Variants in MBOAT2 observed in about 807,000 individuals in gnomAD.
The protein encoded by MBOAT2 is membrane-bound glycerophospholipid O-acyltransferase 2.
Under a neutral mutation model 63.4 loss-of-function variants are expected in MBOAT2, and 28 were observed. The ratio of observed to expected loss-of-function variants is 0.44; its 90% CI spans 0.33 to 0.61. The LOEUF is 0.61. MBOAT2 is among the 20% of genes least tolerant of loss of function. The probability of loss-of-function intolerance (pLI) is 0.03; values close to 1 mark genes in which losing one functional copy is unlikely to be tolerated. For missense variants in MBOAT2, 470 were observed against 605.8 expected (o/e 0.78, Z 2.35); for synonymous variants, 211 against 215.6 (o/e 0.98, Z 0.19).
At chr2:8,970,699 G>A (rs776702759) in intron 1 of MBOAT2, among the ~76,000 whole-genome samples, 5 of 152,156 alleles carry the variant, frequency 3.3e-5, no homozygotes, top group South Asian at 4.2e-4. Flanking sequence ...TATCACCACC[G>A]ATCCCACAGA....
intron 1 of MBOAT2, among the ~76,000 whole-genome samples, chr2:8,976,412 T>C (rs561655911): frequency 5.3e-4 from 80 of 152,224 alleles, no homozygotes; most frequent in African/African-American, 1.9e-3. Context: ...TGCTTAACTA[T>C]GAAGCCTAAG....
At chr2:8,939,416 G>A (rs1355894205) in intron 3 of MBOAT2, among the ~76,000 whole-genome samples, 2 of 152,174 alleles carry the variant, frequency 1.3e-5, no homozygotes, top group African/African-American at 2.4e-5. Context: ...CAAAGAAAAC[G>A]GCAGGACAGA....
chr2:8,912,335 G>GAA (rs1298677831), intron 3 of MBOAT2, among the ~76,000 whole-genome samples: 14 of 104,368 alleles, frequency 1.3e-4, no homozygotes, highest in African/African-American at 5.1e-4. Context: ...AAGAAAGAAA[G>GAA]AAAGAAAGAA....
chr2:8,885,100 A>C (rs578246889), intron 5 of MBOAT2, among the ~76,000 whole-genome samples: 4 of 152,004 alleles, frequency 2.6e-5, no homozygotes, highest in Non-Finnish European at 4.4e-5. Context: ...TGAACATACC[A>C]TTTTTTCACT....
intron 3 of MBOAT2, among the ~76,000 whole-genome samples, chr2:8,911,683 C>T (rs1465640790): frequency 2.0e-5 from 3 of 152,180 alleles, no homozygotes; most frequent in African/African-American, 4.8e-5. Context: ...GGCACCTCAC[C>T]GCTCTTTCCT....
chr2:8,966,723 A>C (rs1471393253), intron 1 of MBOAT2, among the ~76,000 whole-genome samples: 1 of 152,186 alleles, frequency 6.6e-6, no homozygotes, highest in Non-Finnish European at 1.5e-5. Context: ...GTGTCACAAT[A>C]CCAAATGCAG....
intron 2 of MBOAT2, among the ~76,000 whole-genome samples, chr2:8,955,707 AC>A (rs958483864): frequency 2.0e-5 from 3 of 152,238 alleles, no homozygotes; most frequent in Non-Finnish European, 4.4e-5. Context: ...TGAAAGTTCT[AC>A]TGTGGGTAAA....
chr2:8,943,395 G>A lies in MBOAT2; in HGVS notation c.222-131C>T, dbSNP rs186696198. On this transcript the variant is annotated intron_variant, in intron 2 of 12. Transcript: ENST00000305997. ...AAAAAAAATAAGGAATGAAACTTCA[G>A]GAGCTTAAAATCCTGTGGACACCCT... 8 of 499,566 alleles carry A rather than the reference G, an allele frequency of 1.6e-5. No homozygotes were observed. The Admixed American group carries it at 1.9e-4, about 12-fold the overall frequency. The allele number at this position is 499,566 out of a possible 1,614,324, so 30.9% of individuals were successfully genotyped here. A position where few individuals can be genotyped will look rare whatever the true frequency, so the allele number is the denominator to read the frequency against.
intron 3 of MBOAT2, among the ~76,000 whole-genome samples, chr2:8,922,065 TA>T (rs1412616562): frequency 2.6e-5 from 4 of 152,176 alleles, no homozygotes; most frequent in African/African-American, 9.7e-5. Flanking sequence ...TTTTCTTCAA[TA>T]TTTTTTATAC....
intron 11 of MBOAT2, 70 bp from the exon 12 acceptor site, chr2:8,860,834 T>G: frequency 8.2e-7 from 1 of 1,217,818 alleles, no homozygotes; most frequent in Non-Finnish European, 1.2e-6. Context: ...ACACTGGTGA[T>G]ATCAACTGTT....
intron 5 of MBOAT2, among the ~76,000 whole-genome samples, chr2:8,885,254 C>T (rs1392559376): frequency 6.6e-6 from 1 of 152,170 alleles, no homozygotes; most frequent in Non-Finnish European, 1.5e-5. Flanking sequence ...CCATGGGTGG[C>T]TGCGATAGTG....
chr2:9,003,493 AG>A lies in MBOAT2; in HGVS notation c.75+46del. ...CCGGTCGGGTGGCACCGCGGCGGGGAGGGGCGGCGAGGGCGCGACGCCCGGC... is the reference window on the plus strand; with the variant it reads ...CCGGTCGGGTGGCACCGCGGCGGGGAGGGCGGCGAGGGCGCGACGCCCGGC... On this transcript the variant is annotated intron_variant, in intron 1 of 12. Transcript: ENST00000305997. This position sits in a 1 kb window ranked among gnomAD's most constrained non-coding sequence, Gnocchi z 5.4. The A allele has an allele frequency of 8.8e-7, 1 of 1,139,422 alleles. No homozygotes were observed. The highest frequency in any genetic ancestry group is 1.1e-6 in the Non-Finnish European group (1 of 922,290). 70.6% of individuals were successfully genotyped at this position (1,139,422 alleles called of 1,614,324 possible).
rs1397684542 is a variant in MBOAT2 at position 8,853,164 on chromosome 2, T to C, written c.*5515A>G. 6.6e-6 allele frequency: 1 copy of C among 152,184 alleles called. No individual in the cohort carries two copies. The highest frequency in any genetic ancestry group is 1.5e-5 in the Non-Finnish European group (1 of 68,022). The allele number at this position is 152,184 out of a possible 1,614,324, so 9.4% of individuals were successfully genotyped here. Reference sequence around the variant, plus strand: ...TTCACTCTGTATATGGAAGAATTTCTCACTTCACCTGAATGATTTACTTTC... The same window carrying C: ...TTCACTCTGTATATGGAAGAATTTCCCACTTCACCTGAATGATTTACTTTC... On this transcript the variant is annotated 3_prime_UTR_variant, in exon 13 of 13. Coordinates refer to ENST00000305997, the MANE Select transcript of MBOAT2 (RefSeq NM_138799.4).
At position 8,873,112 on chromosome 2, in the gene MBOAT2, C is replaced by T; in HGVS notation, c.879G>A (p.Thr293=). The change falls in exon 8 of 13, where the codon ACG becomes ACA. Residue 293 remains threonine (T), a synonymous_variant. Transcript: ENST00000305997. ...ATCTATTTACATGTTACTTACCTAG[C>T]GTCCATGCAAAATAGTATTTGGGTC... ...AARPKYYFAW[T]LADAINNAAG... is the part of the protein sequence containing the mutation. 1.9e-6 allele frequency: 3 copies of T among 1,612,706 alleles called. No homozygotes were observed. Among genetic ancestry groups the T allele is most frequent in the Non-Finnish European group, 2.5e-6 (3 of 1,178,978 alleles).
At chr2:8,901,386 T>C (rs1386701018) in intron 4 of MBOAT2, among the ~76,000 whole-genome samples, 2 of 152,150 alleles carry the variant, frequency 1.3e-5, no homozygotes, top group African/African-American at 2.4e-5. Context: ...TTGCCTGTCC[T>C]CCTAGACCAC....
Position 8,901,508 on chromosome 2 carries a change from AAAG to A in MBOAT2, c.395+7110_395+7112del, listed in dbSNP as rs369235133. 3.5e-3 allele frequency among the ~76,000 whole-genome samples: 538 copies of A among 152,294 alleles called. 8 individuals carry two copies. The highest frequency in any genetic ancestry group is 0.02 in the South Asian group (96 of 4,828). ...TATTAGGACTTTACCCATGTACTAT[AAAG>A]ATGTTATGCCCCAAAAATGAAGTGG... On this transcript the variant is annotated intron_variant, in intron 4 of 12. Coordinates refer to ENST00000305997, the MANE Select transcript of MBOAT2 (RefSeq NM_138799.4).
chr2:8,867,117 C>G (rs762624852), intron 9 of MBOAT2, among the ~76,000 whole-genome samples: 1 of 152,060 alleles, frequency 6.6e-6, no homozygotes, highest in African/African-American at 2.4e-5. Flanking sequence ...GCAAGTGGCA[C>G]GATCACGGCT....
intron 2 of MBOAT2, among the ~76,000 whole-genome samples, chr2:8,952,763 C>T (rs1668935401): frequency 4.2e-5 from 6 of 144,086 alleles, no homozygotes; most frequent in African/African-American, 5.1e-5. Flanking sequence ...TTACTGTTGC[C>T]GGTTTTATCA....
At chr2:9,000,341 A>G (rs1256457262) in intron 1 of MBOAT2, among the ~76,000 whole-genome samples, 1 of 152,214 alleles carries the variant, frequency 6.6e-6, no homozygotes, top group Non-Finnish European at 1.5e-5. Context: ...CATTATAAAA[A>G]TTTTTATTTT....
Sources: gnomAD v4.1 joint callset for allele counts (sites outside exome capture counted in the v4.1 genomes callset) on GRCh38, gnomAD v4.1.1 for gene constraint, Gnocchi (gnomAD v3.1) non-coding constraint, MANE v1.5 for transcripts, NCBI Gene and HGNC (gene_info 2026-07-23, HGNC 2026-07-21) for gene names.